BRCC3: variants seen among roughly 807,000 people sequenced by gnomAD.
BRCC3 encodes the protein BRCA1/BRCA2-containing complex subunit 3.
Under a neutral mutation model 28.0 loss-of-function variants are expected in BRCC3, and 15 were observed. The observed-to-expected ratio is 0.54, with a 90% CI of 0.36 to 0.82. The LOEUF (loss-of-function observed/expected upper bound fraction) is 0.82. BRCC3 is among the 40% of genes least tolerant of loss of function. The probability of loss-of-function intolerance (pLI) is 0.01; values close to 1 mark genes in which losing one functional copy is unlikely to be tolerated. For synonymous variants in BRCC3, 66 were observed against 80.3 expected (o/e 0.82, Z 0.95); for missense variants, 109 against 225.9 (o/e 0.48, Z 3.32).
At chrX:155,110,100 G>A (rs144919559) in intron 7 of BRCC3, among the ~76,000 whole-genome samples, 3 of 111,550 alleles carry the variant, frequency 2.7e-5, no homozygotes, top group African/African-American at 9.7e-5. Context: ...TCTCTTTAGT[G>A]TATTCACTAG....
intron 7 of BRCC3, among the ~76,000 whole-genome samples, chrX:155,105,396 T>A (rs889165039): frequency 4.5e-5 from 5 of 111,586 alleles, no homozygotes; most frequent in Non-Finnish European, 7.5e-5. Flanking sequence ...GGCAGGAGAA[T>A]TGCTTGAACC....
At chrX:155,105,058 A>G (rs1014968432) in intron 7 of BRCC3, among the ~76,000 whole-genome samples, 1 of 112,173 alleles carries the variant, frequency 8.9e-6, no homozygotes, top group Non-Finnish European at 1.9e-5. Flanking sequence ...TTTAGAGTAT[A>G]TGAAACATCA....
At chrX:155,089,398 G>C (rs782442985) in intron 6 of BRCC3, 47 bp downstream of exon 6, 6 of 807,907 alleles carry the variant, frequency 7.4e-6, no homozygotes, top group Non-Finnish European at 1.1e-5. Flanking sequence ...TGTAGGGTCT[G>C]TGTGTGTGTC....
At chrX:155,117,088 G>C (rs2074361653) in intron 9 of BRCC3, among the ~76,000 whole-genome samples, 1 of 112,126 alleles carries the variant, frequency 8.9e-6, no homozygotes, top group Admixed American at 9.4e-5. Flanking sequence ...GGTTTCCATG[G>C]TGTAATGCCC....
chrX:155,072,577 G>T (rs1469348316), intron 2 of BRCC3, among the ~76,000 whole-genome samples: 1 of 110,586 alleles, frequency 9.0e-6, no homozygotes, highest in Non-Finnish European at 1.9e-5. Flanking sequence ...GCGTTTTAGG[G>T]GTGAGACAGA....
intron 5 of BRCC3, among the ~76,000 whole-genome samples, chrX:155,084,845 A>G (rs781938882): frequency 9.1e-6 from 1 of 110,430 alleles, no homozygotes; most frequent in East Asian, 2.8e-4. Flanking sequence ...TGATGCATGC[A>G]TGTATTTCCA....
intron 7 of BRCC3, among the ~76,000 whole-genome samples, chrX:155,094,792 G>A (rs373027771): frequency 4.0e-4 from 45 of 111,913 alleles, no homozygotes; most frequent in African/African-American, 1.3e-3. Context: ...TGTTACAAAA[G>A]TAACAACATT....
rs2074387039 is a variant in BRCC3 at position 155,121,301 on chromosome X, CCTGACT to C, written c.*98_*103del. On this transcript the variant is annotated 3_prime_UTR_variant, in exon 11 of 11. Coordinates refer to ENST00000330045, the MANE Select transcript of BRCC3 (RefSeq NM_001018055.3). Reference sequence around the variant, plus strand: ...AGAAAAACTTGGAGGACTCATTTTACCTGACTTCAAGACTTACTATAAAGCTATAGT... The same window carrying C: ...AGAAAAACTTGGAGGACTCATTTTACTCAAGACTTACTATAAAGCTATAGT... 1 of 111,827 alleles carries C rather than the reference CCTGACT, an allele frequency of 8.9e-6. No individual in the cohort carries two copies. Among genetic ancestry groups the C allele is most frequent in the African/African-American group, 3.3e-5 (1 of 30,761 alleles). The allele number at this position is 111,827 out of a possible 1,213,427, so 9.2% of individuals were successfully genotyped here.
At chrX:155,075,291 C>CCCTGGTTTTGCCTTCTTTGTCTTCCT (rs1557293373) in intron 3 of BRCC3, among the ~76,000 whole-genome samples, 4 of 105,281 alleles carry the variant, frequency 3.8e-5, no homozygotes, top group Non-Finnish European at 7.8e-5. Context: ...CCCACTCTTT[C>CCCTGGTTTTGCCTTCTTTGTCTTCCT]CCCTGGCCCT....
chrX:155,105,559 T>A (rs1193861531), intron 7 of BRCC3, among the ~76,000 whole-genome samples: 3 of 112,674 alleles, frequency 2.7e-5, no homozygotes, highest in Non-Finnish European at 3.8e-5. Context: ...CCCTATTCAC[T>A]TGGATCTCTT....
At chrX:155,084,791 C>T (rs1429846527) in intron 5 of BRCC3, among the ~76,000 whole-genome samples, 3 of 110,489 alleles carry the variant, frequency 2.7e-5, no homozygotes, top group East Asian at 2.8e-4. Context: ...GGCAAGATGG[C>T]GAGCCTCTGT....
chrX:155,091,496 T>G (rs2074174632), intron 7 of BRCC3, among the ~76,000 whole-genome samples: 1 of 110,855 alleles, frequency 9.0e-6, no homozygotes, highest in African/African-American at 3.3e-5. Context: ...GGTCTCAAAC[T>G]CCTGACCTCA....
At chrX:155,083,990 G>A (rs1306243396) in intron 5 of BRCC3, among the ~76,000 whole-genome samples, 1 of 111,884 alleles carries the variant, frequency 8.9e-6, no homozygotes, top group Non-Finnish European at 1.9e-5. Flanking sequence ...CTAGAGCCTA[G>A]GATTTCTACA....
intron 3 of BRCC3, among the ~76,000 whole-genome samples, chrX:155,075,342 T>A: frequency 8.9e-6 from 1 of 112,307 alleles, no homozygotes; most frequent in African/African-American, 3.2e-5. Flanking sequence ...CTCCCCTTGA[T>A]TCAGGCCAAG....
intron 2 of BRCC3, 30 bp from the exon 3 acceptor site, chrX:155,073,347 C>T (rs781918754): frequency 4.5e-6 from 4 of 882,173 alleles, no homozygotes; most frequent in South Asian, 2.6e-5. Flanking sequence ...ACCCCACTTC[C>T]TTTTTTTTTT....
At chrX:155,100,207 A>C (rs782256782) in intron 7 of BRCC3, among the ~76,000 whole-genome samples, 1 of 111,608 alleles carries the variant, frequency 9.0e-6, no homozygotes, top group South Asian at 3.8e-4. Flanking sequence ...TGCACACATG[A>C]TACCTCTTCA....
intron 7 of BRCC3, among the ~76,000 whole-genome samples, chrX:155,103,717 A>G (rs2074260675): frequency 9.0e-6 from 1 of 111,373 alleles, no homozygotes; most frequent in African/African-American, 3.3e-5. Context: ...AACTTCAGAC[A>G]TTATTTCCAC....
At chrX:155,089,996 T>G (rs1003366780) in intron 6 of BRCC3, among the ~76,000 whole-genome samples, 4 of 112,170 alleles carry the variant, frequency 3.6e-5, no homozygotes, top group Non-Finnish European at 5.6e-5. Flanking sequence ...GAGAAGTGGT[T>G]GGATGCTGAA....
At chrX:155,076,120 ACT>A (rs2074039885) in intron 3 of BRCC3, among the ~76,000 whole-genome samples, 1 of 112,107 alleles carries the variant, frequency 8.9e-6, no homozygotes, top group Non-Finnish European at 1.9e-5. Context: ...ACTGTAAAGA[ACT>A]CTCTGAGGCC....
Sources: gnomAD v4.1 joint callset for allele counts (sites outside exome capture counted in the v4.1 genomes callset) on GRCh38, gnomAD v4.1.1 for gene constraint, MANE v1.5 for transcripts, NCBI Gene and HGNC (gene_info 2026-07-23, HGNC 2026-07-21) for gene names.